The following GMEB1 variants were observed in gnomAD, a reference collection of about 807,000 sequenced individuals.
GMEB1 encodes glucocorticoid modulatory element-binding protein 1.
A neutral mutation model predicts 52.4 loss-of-function variants in GMEB1; 6 were observed. The ratio of observed to expected loss-of-function variants is 0.11; its 90% CI spans 0.06 to 0.23. The LOEUF is 0.23. Ranked by LOEUF, GMEB1 falls within the 10% of genes least tolerant of loss-of-function variation. GMEB1 has a pLI of 1.00. For synonymous variants in GMEB1, 255 were observed against 244.9 expected (o/e 1.04, Z -0.38); for missense variants, 486 against 685.6 (o/e 0.71, Z 3.25).
chr1:28,702,255 C>A (rs566306834), intron 6 of GMEB1, among the ~76,000 whole-genome samples, 183 bp from the exon 7 acceptor site: 1 of 152,254 alleles, frequency 6.6e-6, no homozygotes, highest in East Asian at 1.9e-4. Context: ...GGCAGGTTTT[C>A]TTTAGAAAAT....
At chr1:28,669,980 A>G (rs971892854) in intron 1 of GMEB1, among the ~76,000 whole-genome samples, 1 of 152,136 alleles carries the variant, frequency 6.6e-6, no homozygotes, top group African/African-American at 2.4e-5. Flanking sequence ...AAGATGAGAG[A>G]AATCTCAAAA....
Position 28,714,392 on chromosome 1 carries a change from C to T in GMEB1, c.1311C>T (p.Arg437=). Residue 437 remains arginine, a synonymous_variant, in exon 10 of 10, where the codon CGC becomes CGT. Transcript: ENST00000373816. ...HTLPSGPQLF[R]YATVVSSAKS... is the part of the protein sequence containing the mutation. ...TGCCTTCTGGCCCTCAGCTCTTCCG[C>T]TATGCCACAGTGGTCTCCTCTGCCA... 6.2e-7 allele frequency: 1 copy of T among 1,614,222 alleles called. No homozygotes were observed. Among genetic ancestry groups the T allele is most frequent in the Non-Finnish European group, 8.5e-7 (1 of 1,180,026 alleles).
intron 6 of GMEB1, among the ~76,000 whole-genome samples, chr1:28,700,407 C>T (rs866320062): frequency 8.0e-5 from 12 of 150,364 alleles, no homozygotes; most frequent in South Asian, 2.1e-4. Flanking sequence ...CCAGCTACTC[C>T]GGAGGCTGAG....
chr1:28,691,864 C>T lies in GMEB1; in HGVS notation c.336+155C>T, dbSNP rs1357252351. ...TATTTATTTATTTTGTGGCTATTGT[C>T]CTAATGTGTCACAATAGAAAAAATA... On this transcript the variant is annotated intron_variant, in intron 4 of 9. Coordinates refer to ENST00000373816, the MANE Select transcript of GMEB1 (RefSeq NM_001319674.2). Among the ~76,000 whole-genome samples the T allele has an allele frequency of 3.3e-5, 5 of 149,532 alleles. No homozygotes were observed. The South Asian group carries it at 8.4e-4, about 25-fold the overall frequency.
intron 5 of GMEB1, among the ~76,000 whole-genome samples, chr1:28,695,417 A>G (rs1670155274): frequency 6.6e-6 from 1 of 151,352 alleles, no homozygotes; most frequent in South Asian, 2.1e-4. Context: ...TTTTTAGGAA[A>G]GATGGGGTTT....
At chr1:28,700,919 T>C (rs1670474850) in intron 6 of GMEB1, among the ~76,000 whole-genome samples, 1 of 152,140 alleles carries the variant, frequency 6.6e-6, no homozygotes, top group South Asian at 2.1e-4. Context: ...TCCACTTTTA[T>C]GCAGCTTTTT....
chr1:28,683,857 T>A (rs1329962013), intron 2 of GMEB1, 117 bp downstream of exon 2: 2 of 912,382 alleles, frequency 2.2e-6, no homozygotes, highest in Non-Finnish European at 3.4e-6. Flanking sequence ...CAGAGCTGGC[T>A]CAGTTTTCAT....
chr1:28,708,075 T>G (rs1039220279), intron 8 of GMEB1, among the ~76,000 whole-genome samples: 4 of 152,088 alleles, frequency 2.6e-5, no homozygotes, highest in African/African-American at 9.6e-5. Flanking sequence ...ATATTTGTAG[T>G]TTTTGTAGAG....
chr1:28,710,414 G>A, intron 8 of GMEB1, 106 bp from the exon 9 acceptor site: 1 of 727,476 alleles, frequency 1.4e-6, no homozygotes, highest in Non-Finnish European at 2.1e-6. Context: ...AATGCAGTTA[G>A]GAGAGTCCCA....
rs796353375 is a variant in GMEB1, at chr1:28,715,937, CA to C, written c.*1176del. 7.7e-3 allele frequency: 1,095 copies of C among 142,184 alleles called. 8 individuals are homozygous for C. Among genetic ancestry groups the C allele is most frequent in the East Asian group, 0.029 (140 of 4,872 alleles). The allele number at this position is 142,184 out of a possible 1,614,324, so 8.8% of individuals were successfully genotyped here. A position where few individuals can be genotyped will look rare whatever the true frequency, so the allele number is the denominator to read the frequency against. ...TGAAACCCCGTCTCTACTGAAAATA[CA>C]AAAAAAAAAAATTAGCTGGGCATGG... On this transcript the variant is annotated 3_prime_UTR_variant, in exon 10 of 10. Transcript: ENST00000373816.
intron 2 of GMEB1, among the ~76,000 whole-genome samples, chr1:28,688,982 C>G (rs888497064): frequency 7.3e-5 from 11 of 151,536 alleles, no homozygotes; most frequent in African/African-American, 2.7e-4. Context: ...ACCTCCGCCT[C>G]CCGGGTTCAA....
intron 4 of GMEB1, 31 bp from the exon 5 acceptor site, chr1:28,692,911 A>G: frequency 8.1e-7 from 1 of 1,228,634 alleles, no homozygotes. Flanking sequence ...AGTTGACATT[A>G]GACTCTTTGG....
intron 6 of GMEB1, 41 bp from the exon 7 acceptor site, chr1:28,702,397 C>T (rs374927130): frequency 8.3e-6 from 13 of 1,574,206 alleles, no homozygotes; most frequent in African/African-American, 5.4e-5. Flanking sequence ...ATAACTTTTT[C>T]GTTAAATTCA....
chr1:28,696,647 A>G (rs1392485728), intron 5 of GMEB1, among the ~76,000 whole-genome samples: 1 of 152,090 alleles, frequency 6.6e-6, no homozygotes, highest in East Asian at 1.9e-4. Context: ...GTTTTTTAAA[A>G]GACTGAAACT....
At chr1:28,698,416 C>T (rs945248628) in intron 6 of GMEB1, among the ~76,000 whole-genome samples, 7 of 151,816 alleles carry the variant, frequency 4.6e-5, no homozygotes, top group Admixed American at 4.6e-4. Flanking sequence ...TGGCTCACGC[C>T]TGTAATCCCA....
At chr1:28,682,147 A>C (rs575646354) in intron 1 of GMEB1, among the ~76,000 whole-genome samples, 2 of 152,100 alleles carry the variant, frequency 1.3e-5, no homozygotes, top group Non-Finnish European at 2.9e-5. Flanking sequence ...TCTCTTTTCA[A>C]CTGTGAAGAC....
chr1:28,669,900 G>A (rs1375414107), intron 1 of GMEB1, among the ~76,000 whole-genome samples: 6 of 152,160 alleles, frequency 3.9e-5, no homozygotes, highest in Non-Finnish European at 7.3e-5. Context: ...GTCTTTGGAG[G>A]ATGATCCACA....
In GMEB1 at chr1:28,697,057, G is replaced by C; in HGVS notation, c.571G>C (p.Val191Leu). The C allele has an allele frequency of 6.2e-7, 1 of 1,610,712 alleles. No homozygotes were observed. The highest frequency in any genetic ancestry group is 8.5e-7 in the Non-Finnish European group (1 of 1,178,364). Residue 191 changes from valine (V) to leucine (L), a missense_variant, in exon 6 of 10, where the codon GTG becomes CTG. Transcript: ENST00000373816. The part of the protein sequence containing the change: ...RAPVPGQQTS[V>L]VQTPTSADGS... ...TCCAGTGCCAGGACAGCAGACAAGT[G>C]TGGTGCAGACACCCACTTCGGCTGA...
chr1:28,675,447 C>G (rs1669106603), intron 1 of GMEB1, among the ~76,000 whole-genome samples: 1 of 151,890 alleles, frequency 6.6e-6, no homozygotes, highest in South Asian at 2.1e-4. Flanking sequence ...GGGAGACAGG[C>G]GCGGGCAGAT....
Sources: gnomAD v4.1 joint callset for allele counts (sites outside exome capture counted in the v4.1 genomes callset) on GRCh38, gnomAD v4.1.1 for gene constraint, MANE v1.5 for transcripts, NCBI Gene and HGNC (gene_info 2026-07-23, HGNC 2026-07-21) for gene names.